Variants in SH3GL2 observed in about 807,000 individuals in gnomAD.
The protein encoded by SH3GL2 is SH3 domain containing GRB2 like 2, endophilin A1.
Under a neutral mutation model 46.0 loss-of-function variants are expected in SH3GL2, and 24 were observed. That is an observed-to-expected ratio of 0.52 (90% CI 0.38 to 0.73). SH3GL2 has a LOEUF of 0.73. Ranked by LOEUF, SH3GL2 falls within the 30% of genes least tolerant of loss-of-function variation. The pLI, the probability that SH3GL2 is intolerant of heterozygous loss-of-function variation, is 0.00. For missense variants in SH3GL2, 413 were observed against 424.2 expected (o/e 0.97, Z 0.23); for synonymous variants, 196 against 147.1 (o/e 1.33, Z -2.40).
chr9:17,579,126 G>C lies in SH3GL2; in HGVS notation c.-117G>C, dbSNP rs1392653494. 4.9e-6 allele frequency: 3 copies of C among 612,750 alleles called. No homozygotes were observed. The highest frequency in any genetic ancestry group is 4.0e-5 in the African/African-American group (2 of 50,468). The allele number at this position is 612,750 out of a possible 1,614,324, so 38.0% of individuals were successfully genotyped here. On this transcript the variant is annotated 5_prime_UTR_variant, in exon 1 of 9. Coordinates refer to ENST00000380607, the MANE Select transcript of SH3GL2 (RefSeq NM_003026.5). ...TAGGCTCCGCGCCCTCGCGCCCATAGCCCCGGCGGCGGCACGACCAGAGGC... is the reference window on the plus strand; with the variant it reads ...TAGGCTCCGCGCCCTCGCGCCCATACCCCCGGCGGCGGCACGACCAGAGGC...
chr9:17,675,751 C>A lies in SH3GL2; in HGVS notation c.46-71315C>A, dbSNP rs183927563. ...CACGAGGTCAGGAGATTGAGACCAT[C>A]CTGGCTCACATGGTGAAACCCTGTG... On this transcript the variant is annotated intron_variant, in intron 1 of 8. Transcript: ENST00000380607. 7.2e-5 allele frequency among the ~76,000 whole-genome samples: 11 copies of A among 152,272 alleles called. No homozygotes were observed. In the East Asian group the frequency reaches 2.1e-3, roughly 30 times the overall value.
chr9:17,793,335 T>C (rs1294110332), intron 7 of SH3GL2, 32 bp from the exon 8 acceptor site: 2 of 1,593,136 alleles, frequency 1.3e-6, no homozygotes, highest in Admixed American at 1.8e-5. Context: ...ACTGGTTACA[T>C]AACCTTTCCA....
At chr9:17,766,794 C>T (rs902096459) in intron 3 of SH3GL2, among the ~76,000 whole-genome samples, 20 of 152,048 alleles carry the variant, frequency 1.3e-4, no homozygotes, top group East Asian at 5.8e-4. Context: ...CCGTAATAGA[C>T]GGTACAGCAC....
intron 3 of SH3GL2, among the ~76,000 whole-genome samples, chr9:17,771,726 C>T (rs1316862467): frequency 6.6e-6 from 1 of 152,158 alleles, no homozygotes; most frequent in African/African-American, 2.4e-5. Context: ...GTCACAAGTT[C>T]TTAGGGCTGC....
At chr9:17,783,017 G>T (rs1476514708) in intron 3 of SH3GL2, among the ~76,000 whole-genome samples, 1 of 152,140 alleles carries the variant, frequency 6.6e-6, no homozygotes, top group Non-Finnish European at 1.5e-5. Context: ...CAACCAAGTT[G>T]TCAGTAGAGC....
chr9:17,793,480 G>T lies in SH3GL2; in HGVS notation c.842G>T (p.Gly281Val), dbSNP rs776326202. Residue 281 changes from glycine to valine, a missense_variant, in exon 8 of 9, where the codon GGC (glycine) becomes GTC (valine). Transcript: ENST00000380607. ...CCCAATGGGGGTCTCTCCCACACAG[G>T]CACTCCCAAACCTTCAGGTAAGAGC... ...TQPNGGLSHT[G>V]TPKPSGVQMD... The T allele has an allele frequency of 9.9e-6, 16 of 1,612,824 alleles. No individual in the cohort carries two copies. The South Asian group carries it at 1.5e-4, about 16-fold the overall frequency.
chr9:17,671,665 GA>G (rs1212857520), intron 1 of SH3GL2, among the ~76,000 whole-genome samples: 3 of 151,872 alleles, frequency 2.0e-5, no homozygotes, highest in African/African-American at 7.3e-5. Context: ...AAACAAAAAC[GA>G]AAAAAGCCCT....
intron 1 of SH3GL2, among the ~76,000 whole-genome samples, chr9:17,713,269 A>G (rs1333021681): frequency 1.3e-5 from 2 of 151,520 alleles, no homozygotes; most frequent in Non-Finnish European, 3.0e-5. Flanking sequence ...ATCATTTGTA[A>G]TATTGATAAT....
chr9:17,721,261 C>G (rs1193597421), intron 1 of SH3GL2, among the ~76,000 whole-genome samples: 1 of 151,876 alleles, frequency 6.6e-6, no homozygotes, highest in Non-Finnish European at 1.5e-5. Flanking sequence ...TGGAACTTGA[C>G]CATTTCAGGG....
chr9:17,618,952 G>A (rs926321919), intron 1 of SH3GL2, among the ~76,000 whole-genome samples: 3 of 152,014 alleles, frequency 2.0e-5, no homozygotes, highest in East Asian at 1.9e-4. Flanking sequence ...TTTTAGTAAC[G>A]TTTATTGATT....
At chr9:17,653,697 A>C (rs1445876606) in intron 1 of SH3GL2, among the ~76,000 whole-genome samples, 2 of 152,190 alleles carry the variant, frequency 1.3e-5, no homozygotes, top group Non-Finnish European at 2.9e-5. Flanking sequence ...CTTGTGAATG[A>C]GACCATTCCT....
At chr9:17,739,437 A>G (rs962831198) in intron 1 of SH3GL2, among the ~76,000 whole-genome samples, 1 of 151,840 alleles carries the variant, frequency 6.6e-6, no homozygotes, top group Non-Finnish European at 1.5e-5. Context: ...CTGTCTTTTT[A>G]TATTTTCTGT....
intron 1 of SH3GL2, among the ~76,000 whole-genome samples, chr9:17,697,227 C>CTT (rs201644889): frequency 1.7e-4 from 25 of 144,526 alleles, no homozygotes; most frequent in East Asian, 8.1e-4. Flanking sequence ...AAATGCATTT[C>CTT]TTTTTTTTTT....
At chr9:17,685,372 A>T (rs979644955) in intron 1 of SH3GL2, among the ~76,000 whole-genome samples, 18 of 152,110 alleles carry the variant, frequency 1.2e-4, no homozygotes, top group Non-Finnish European at 2.2e-4. Flanking sequence ...GTCCCCCCAC[A>T]TTACTGACAA....
In SH3GL2 at chr9:17,796,157, A is replaced by C. The variant is rs1025420341; in HGVS notation, c.*414A>C. 6.2e-6 allele frequency: 1 copy of C among 162,584 alleles called. No homozygotes were observed. Among genetic ancestry groups the C allele is most frequent in the African/African-American group, 2.4e-5 (1 of 41,858 alleles). 10.1% of individuals were successfully genotyped at this position (162,584 alleles called of 1,614,324 possible). On this transcript the variant is annotated 3_prime_UTR_variant, in exon 9 of 9. Coordinates refer to ENST00000380607, the MANE Select transcript of SH3GL2 (RefSeq NM_003026.5). ...AAGAGGAGAAAGCTTTTGCTTTCACACTGTCCCTTCCCAAATATGTGAGTC... is the reference window on the plus strand; with the variant it reads ...AAGAGGAGAAAGCTTTTGCTTTCACCCTGTCCCTTCCCAAATATGTGAGTC...
intron 1 of SH3GL2, among the ~76,000 whole-genome samples, chr9:17,674,136 C>G (rs1288982392): frequency 1.3e-5 from 2 of 152,154 alleles, no homozygotes; most frequent in Non-Finnish European, 2.9e-5. Flanking sequence ...CTTTTTAATG[C>G]AAATGAGAGT....
At position 17,627,714 on chromosome 9, in the gene SH3GL2, C is replaced by T. The variant is rs558585779; in HGVS notation, c.45+48427C>T. On this transcript the variant is annotated intron_variant, in intron 1 of 8. Coordinates refer to ENST00000380607, the MANE Select transcript of SH3GL2 (RefSeq NM_003026.5). ...CATCCTACCCTGCCCCTTCATCCCT[C>T]TGTGATAACTGTGTAGACAAAGGAT... Among the ~76,000 whole-genome samples the T allele has an allele frequency of 2.0e-5, 3 of 152,228 alleles. No individual in the cohort carries two copies. The South Asian group carries it at 6.2e-4, about 32-fold the overall frequency.
chr9:17,785,023 A>G (rs538334068), intron 3 of SH3GL2, among the ~76,000 whole-genome samples: 79 of 152,250 alleles, frequency 5.2e-4, no homozygotes, highest in African/African-American at 1.8e-3. Context: ...TGCATTTTCT[A>G]TTTTTCAAAC....
chr9:17,619,249 C>T (rs1174472601), intron 1 of SH3GL2, among the ~76,000 whole-genome samples: 2 of 152,194 alleles, frequency 1.3e-5, no homozygotes, highest in African/African-American at 4.8e-5. Context: ...CTGGAGTGGG[C>T]TGCTGTGTGT....
Sources: allele counts gnomAD v4.1 joint callset (sites outside exome capture counted in the v4.1 genomes callset), GRCh38; gene constraint gnomAD v4.1.1; transcripts MANE v1.5; gene names NCBI Gene and HGNC (gene_info 2026-07-23, HGNC 2026-07-21).